Variants in PHF2 observed in about 807,000 individuals in gnomAD.
PHF2 encodes the protein PHD finger protein 2.
A neutral mutation model predicts 120.5 loss-of-function variants in PHF2; 27 were observed. That is an observed-to-expected ratio of 0.22 (90% CI 0.17 to 0.31). PHF2 has a LOEUF of 0.31. Among genes scored for constraint, PHF2 ranks in the 10% least tolerant of loss-of-function variants. The pLI, the probability that PHF2 is intolerant of heterozygous loss-of-function variation, is 1.00. For synonymous variants in PHF2, 568 were observed against 592.5 expected (o/e 0.96, Z 0.60); for missense variants, 1,024 against 1,434.8 (o/e 0.71, Z 4.63).
Position 93,636,602 on chromosome 9 carries a change from C to T in PHF2, c.299+77C>T. The T allele has an allele frequency of 3.8e-6, 4 of 1,060,498 alleles. No homozygotes were observed. The South Asian group carries it at 5.7e-5, about 15-fold the overall frequency. The allele number at this position is 1,060,498 out of a possible 1,614,324, so 65.7% of individuals were successfully genotyped here. A position where few individuals can be genotyped will look rare whatever the true frequency, so the allele number is the denominator to read the frequency against. ...TCTCTCCGTCCCTTGTCCCGCTATC[C>T]ATTGCTGGGGGCTTCCTTTGCTATC... On this transcript the variant is annotated intron_variant, in intron 3 of 21. Transcript: ENST00000359246.
chr9:93,617,343 G>A (rs1181598703), intron 1 of PHF2, among the ~76,000 whole-genome samples: 3 of 152,210 alleles, frequency 2.0e-5, no homozygotes, highest in African/African-American at 7.2e-5. Flanking sequence ...TGTCCTGTCT[G>A]CAGAACAAGG....
At chr9:93,591,053 G>C (rs1159734882) in intron 1 of PHF2, among the ~76,000 whole-genome samples, 1 of 152,192 alleles carries the variant, frequency 6.6e-6, no homozygotes, top group Non-Finnish European at 1.5e-5. Context: ...ACCCTCCGAG[G>C]GATCCAACAT....
Position 93,660,422 on chromosome 9 carries a change from G to A in PHF2, c.1560G>A (p.Thr520=), listed in dbSNP as rs200604672. 53 of 1,225,750 alleles carry A rather than the reference G, an allele frequency of 4.3e-5. No homozygotes were observed. In the East Asian group the frequency reaches 1.2e-3, roughly 27 times the overall value. 75.9% of individuals were successfully genotyped at this position (1,225,750 alleles called of 1,614,324 possible). A position where few individuals can be genotyped will look rare whatever the true frequency, so the allele number is the denominator to read the frequency against. ...CTAAGCCCCCAAGGCCCCCCAAAAC[G>A]CTGAAGCTCAAAGATGGAGGCAAGA... ...KPPKPPRPPK[T]LKLKDGGKKK... Residue 520 remains threonine, a synonymous_variant, in exon 12 of 22, where the codon ACG becomes ACA. Transcript: ENST00000359246.
chr9:93,673,719 A>G lies in PHF2; in HGVS notation c.2483A>G (p.His828Arg), dbSNP rs1826852152. 1 of 1,613,252 alleles carries G rather than the reference A, an allele frequency of 6.2e-7. No individual in the cohort carries two copies. Among genetic ancestry groups the G allele is most frequent in the Non-Finnish European group, 8.5e-7 (1 of 1,179,742 alleles). Residue 828 changes from histidine (H) to arginine (R), a missense_variant, in exon 18 of 22, where the codon CAT becomes CGT. Physicochemically the swap from His to Arg is conservative, Grantham distance 29. Around this residue, in one of 2 missense-constraint regions of PHF2, gnomAD observed 677 missense variants for 857.4 expected, o/e 0.79. Coordinates refer to ENST00000359246, the MANE Select transcript of PHF2 (RefSeq NM_005392.4). ...GQAKGSSLAA[H>R]GARKNGGGSG... is the part of the protein sequence containing the mutation. Reference sequence around the variant, plus strand: ...GCCAAGGGGAGCTCGCTGGCTGCCCATGGTGCCCGGAAGAATGGGGGTGGC... The same window carrying G: ...GCCAAGGGGAGCTCGCTGGCTGCCCGTGGTGCCCGGAAGAATGGGGGTGGC...
At chr9:93,607,188 G>T (rs1313067788) in intron 1 of PHF2, among the ~76,000 whole-genome samples, 1 of 152,118 alleles carries the variant, frequency 6.6e-6, no homozygotes, top group Non-Finnish European at 1.5e-5. Flanking sequence ...GCTATTATGG[G>T]TCCTTTACTT....
intron 6 of PHF2, 112 bp downstream of exon 6, chr9:93,653,477 C>A: frequency 9.1e-7 from 1 of 1,099,868 alleles, no homozygotes; most frequent in Non-Finnish European, 1.3e-6. Context: ...CCCCAGAGGG[C>A]CCCTGGACTG....
Position 93,598,224 on chromosome 9 carries a change from C to T in PHF2, c.98+21353C>T, listed in dbSNP as rs565602749. 1.6e-4 allele frequency among the ~76,000 whole-genome samples: 25 copies of T among 152,346 alleles called. No homozygotes were observed. The East Asian group carries it at 4.0e-3, about 25-fold the overall frequency. The stretch of plus-strand genomic sequence containing the variant: ...GGAGAGACAGGAAAAGCCCAACTCA[C>T]GCCAGGCATGCAGCACACTGTGGAC... On this transcript the variant is annotated intron_variant, in intron 1 of 21. Transcript: ENST00000359246.
chr9:93,676,063 C>T (rs773133555), intron 20 of PHF2, among the ~76,000 whole-genome samples: 1 of 152,226 alleles, frequency 6.6e-6, no homozygotes, highest in Non-Finnish European at 1.5e-5. Context: ...TCTGGTACAA[C>T]AGCAGCTTGG....
chr9:93,631,290 C>T (rs1453418627), intron 2 of PHF2, among the ~76,000 whole-genome samples: 1 of 152,172 alleles, frequency 6.6e-6, no homozygotes, highest in Non-Finnish European at 1.5e-5. Flanking sequence ...TGCTGGACAG[C>T]GGTGGGGGCT....
At chr9:93,654,748 C>G (rs115224752) in intron 7 of PHF2, among the ~76,000 whole-genome samples, 173 bp downstream of exon 7, 2,145 of 152,338 alleles carry the variant, frequency 0.014, 54 homozygotes, top group African/African-American at 0.048. Flanking sequence ...CTGGGCAGCT[C>G]CCTTGTCCGG....
At chr9:93,624,509 A>C (rs1825875587) in intron 1 of PHF2, among the ~76,000 whole-genome samples, 1 of 148,962 alleles carries the variant, frequency 6.7e-6, no homozygotes, top group Admixed American at 6.7e-5. Flanking sequence ...GGTGATGACA[A>C]CGGTGATGGT....
intron 6 of PHF2, among the ~76,000 whole-genome samples, 189 bp downstream of exon 6, chr9:93,653,554 C>T (rs1262627849): frequency 6.6e-6 from 1 of 152,182 alleles, no homozygotes; most frequent in African/African-American, 2.4e-5. Flanking sequence ...CATGTGGGAC[C>T]AGAGAACCGC....
At chr9:93,613,741 T>C (rs1825676895) in intron 1 of PHF2, among the ~76,000 whole-genome samples, 1 of 151,878 alleles carries the variant, frequency 6.6e-6, no homozygotes, top group Admixed American at 6.6e-5. Context: ...GCTGGCTAAT[T>C]TTTATATTTT....
Position 93,660,490 on chromosome 9 carries a change from C to A in PHF2, c.1628C>A (p.Pro543His). Residue 543 changes from proline (P) to histidine (H), a missense_variant, in exon 12 of 22, where the codon CCC becomes CAC. Pro to His is a moderately conservative substitution (Grantham distance 77). This residue lies in a region of PHF2 where 677 missense variants were observed against 857.4 expected (regional missense o/e 0.79). Transcript: ENST00000359246. ...KSRESASPTI[P>H]NLDLLEAHTK... ...CGGGAGTCAGCCTCACCCACCATCCCCAACCTGGACCTGCTCGAAGCCCAC... is the reference window on the plus strand; with the variant it reads ...CGGGAGTCAGCCTCACCCACCATCCACAACCTGGACCTGCTCGAAGCCCAC... The A allele has an allele frequency of 2.5e-6, 4 of 1,606,410 alleles. No homozygotes were observed. Among genetic ancestry groups the A allele is most frequent in the Non-Finnish European group, 3.4e-6 (4 of 1,177,428 alleles).
intron 1 of PHF2, among the ~76,000 whole-genome samples, chr9:93,581,557 A>C (rs1862930603): frequency 6.6e-6 from 1 of 152,176 alleles, no homozygotes; most frequent in Non-Finnish European, 1.5e-5. Flanking sequence ...CTAGAGGGTA[A>C]AGTAGACATC....
In PHF2 at chr9:93,649,048, A is replaced by G. The variant is rs759053223; in HGVS notation, c.461-23A>G. On this transcript the variant is annotated intron_variant, in intron 4 of 21. Transcript: ENST00000359246. The stretch of plus-strand genomic sequence containing the variant: ...CTGTGCCGCCTTCCCAGGGTGCTCA[A>G]GCTCCTCCCACCACCTCCCTAGGGC... The G allele has an allele frequency of 1.2e-5, 19 of 1,550,408 alleles. No homozygotes were observed. In the South Asian group the frequency reaches 2.3e-4, roughly 18 times the overall value.
At chr9:93,615,454 C>A (rs1825716745) in intron 1 of PHF2, among the ~76,000 whole-genome samples, 1 of 152,184 alleles carries the variant, frequency 6.6e-6, no homozygotes, top group Non-Finnish European at 1.5e-5. Flanking sequence ...TTACAGCCAC[C>A]AGCTATGTGC....
chr9:93,609,283 A>G (rs1825595978), intron 1 of PHF2, among the ~76,000 whole-genome samples: 1 of 152,048 alleles, frequency 6.6e-6, no homozygotes, highest in South Asian at 2.1e-4. Flanking sequence ...TGTTGCTATT[A>G]TTATTGGTGA....
At chr9:93,643,867 A>T (rs1211680379) in intron 3 of PHF2, among the ~76,000 whole-genome samples, 1 of 151,314 alleles carries the variant, frequency 6.6e-6, no homozygotes, top group Admixed American at 6.6e-5. Flanking sequence ...CACTCACAAC[A>T]GTCTCCTGGC....
Sources: allele counts gnomAD v4.1 joint callset (sites outside exome capture counted in the v4.1 genomes callset), GRCh38; gene constraint gnomAD v4.1.1; regional missense constraint gnomAD v4.1.1; transcripts MANE v1.5; gene names NCBI Gene and HGNC (gene_info 2026-07-23, HGNC 2026-07-21).